DCT: variants seen among roughly 807,000 people sequenced by gnomAD.
DCT encodes L-dopachrome tautomerase.
A neutral mutation model predicts 53.0 loss-of-function variants in DCT; 47 were observed. That is an observed-to-expected ratio of 0.89 (90% CI 0.70 to 1.13). The LOEUF is 1.13. Among genes scored for constraint, DCT ranks in the 50% most tolerant of loss-of-function variants. The probability of loss-of-function intolerance (pLI) is 0.00; values close to 1 mark genes in which losing one functional copy is unlikely to be tolerated. For synonymous variants in DCT, 244 were observed against 237.0 expected (o/e 1.03, Z -0.27); for missense variants, 669 against 637.4 (o/e 1.05, Z -0.53).
At chr13:94,490,916 T>C in the DCT span, among the ~76,000 whole-genome samples, 1 of 152,116 alleles carries the variant, frequency 6.6e-6, no homozygotes, top group Admixed American at 6.6e-5. Flanking sequence ...TTCAGGAAAG[T>C]TACCTATTTA....
At chr13:94,537,084 A>G in the DCT span, among the ~76,000 whole-genome samples, 1 of 152,252 alleles carries the variant, frequency 6.6e-6, no homozygotes, top group Admixed American at 6.5e-5. Context: ...GTTCCTTTAT[A>G]GCAATGCAAA....
the DCT span, among the ~76,000 whole-genome samples, chr13:94,527,666 C>T: frequency 6.6e-6 from 1 of 152,260 alleles, no homozygotes; most frequent in East Asian, 1.9e-4. Flanking sequence ...TAGATAAAAG[C>T]ACAAAGATGG....
chr13:94,487,713 G>A, the DCT span, among the ~76,000 whole-genome samples: 10 of 152,054 alleles, frequency 6.6e-5, no homozygotes, highest in Admixed American at 1.3e-4. Flanking sequence ...AATCCTCCCC[G>A]TTTTTTAGCC....
In DCT at chr13:94,439,979, A is replaced by T; in HGVS notation, c.1479T>A (p.Leu493=). 6.2e-7 allele frequency: 1 copy of T among 1,614,000 alleles called. No individual in the cohort carries two copies. The highest frequency in any genetic ancestry group is 8.5e-7 in the Non-Finnish European group (1 of 1,179,904). ...LVGLFVLLAF[L]QYRRLRKGYT... ...ATCCTTTTCGAAGTCTTCTATATTGAAGAAAAGCCAACAGCACAAAAAGAC... is the reference window on the plus strand; with the variant it reads ...ATCCTTTTCGAAGTCTTCTATATTGTAGAAAAGCCAACAGCACAAAAAGAC... Residue 493 remains leucine, a synonymous_variant, in exon 8 of 8, where the codon CTT becomes CTA. Transcript: ENST00000377028.
the DCT span, among the ~76,000 whole-genome samples, chr13:94,517,878 A>G: frequency 6.6e-6 from 1 of 152,108 alleles, no homozygotes; most frequent in African/African-American, 2.4e-5. Context: ...AAGTTGGAAG[A>G]GGCAAGGAAT....
the DCT span, among the ~76,000 whole-genome samples, chr13:94,487,383 C>T: frequency 1.3e-5 from 2 of 152,166 alleles, no homozygotes; most frequent in East Asian, 1.9e-4. Context: ...TTTTGCATGC[C>T]GGCACCTAGC....
the DCT span, among the ~76,000 whole-genome samples, chr13:94,504,692 G>A: frequency 6.6e-6 from 1 of 152,158 alleles, no homozygotes; most frequent in Non-Finnish European, 1.5e-5. Flanking sequence ...GATCTGGGGG[G>A]ATACTTGCTA....
intron 6 of DCT, among the ~76,000 whole-genome samples, chr13:94,457,747 G>A (rs1190894684): frequency 6.6e-6 from 1 of 152,194 alleles, no homozygotes; most frequent in Non-Finnish European, 1.5e-5. Flanking sequence ...AAGACACACA[G>A]ACAGGGTTAA....
In DCT at chr13:94,438,784, T is replaced by C; in HGVS notation, c.*1114A>G. On this transcript the variant is annotated 3_prime_UTR_variant, in exon 8 of 8. Transcript: ENST00000377028. ...ATAACCACTTAATTCTGAATTGTCA[T>C]GTTTTGTACAGATGGTTTGCTTTCA... 1 of 373,416 alleles carries C rather than the reference T, an allele frequency of 2.7e-6. No homozygotes were observed. The highest frequency in any genetic ancestry group is 5.3e-6 in the Non-Finnish European group (1 of 187,684). 23.1% of individuals were successfully genotyped at this position (373,416 alleles called of 1,614,324 possible). A position where few individuals can be genotyped will look rare whatever the true frequency, so the allele number is the denominator to read the frequency against.
the DCT span, among the ~76,000 whole-genome samples, chr13:94,488,506 GGAGTT>G: frequency 6.6e-6 from 1 of 152,000 alleles, no homozygotes; most frequent in Non-Finnish European, 1.5e-5. Flanking sequence ...CTTGAGCTCA[GGAGTT>G]TGAGACCAGC....
chr13:94,534,361 C>A, the DCT span, among the ~76,000 whole-genome samples: 1 of 152,186 alleles, frequency 6.6e-6, no homozygotes, highest in Non-Finnish European at 1.5e-5. Flanking sequence ...GGGGGCTGAG[C>A]CCTCATTACA....
chr13:94,499,878 T>C, the DCT span, among the ~76,000 whole-genome samples: 4 of 152,188 alleles, frequency 2.6e-5, no homozygotes, highest in East Asian at 1.9e-4. Flanking sequence ...CTCAGCTTTA[T>C]TGAGGTTATA....
At chr13:94,470,706 C>T (rs1884588570) in intron 1 of DCT, among the ~76,000 whole-genome samples, 1 of 152,156 alleles carries the variant, frequency 6.6e-6, no homozygotes. Context: ...CCCTAAATTC[C>T]TCTTTACCTG....
chr13:94,524,761 T>C, the DCT span, among the ~76,000 whole-genome samples: 4 of 152,122 alleles, frequency 2.6e-5, no homozygotes. Flanking sequence ...ATTTCAGATG[T>C]TGAAGTCCTA....
At chr13:94,447,614 A>G (rs557572528) in intron 6 of DCT, among the ~76,000 whole-genome samples, 1 of 152,232 alleles carries the variant, frequency 6.6e-6, no homozygotes, top group Non-Finnish European at 1.5e-5. Flanking sequence ...TTGAAGGCAT[A>G]TTCTCCAATC....
intron 6 of DCT, among the ~76,000 whole-genome samples, chr13:94,446,417 A>C (rs1882739109): frequency 6.6e-6 from 1 of 152,208 alleles, no homozygotes; most frequent in Non-Finnish European, 1.5e-5. Context: ...CACACTGTAC[A>C]TATAGCCAAT....
At chr13:94,477,407 A>C (rs1042318722) in intron 1 of DCT, among the ~76,000 whole-genome samples, 3 of 151,928 alleles carry the variant, frequency 2.0e-5, no homozygotes, top group Non-Finnish European at 4.4e-5. Flanking sequence ...TAAAGCCAGA[A>C]CTCTTAATGT....
chr13:94,487,565 C>G, the DCT span, among the ~76,000 whole-genome samples: 1 of 152,110 alleles, frequency 6.6e-6, no homozygotes, highest in Non-Finnish European at 1.5e-5. Context: ...AGAAATGGCT[C>G]AAAGCCTGGG....
chr13:94,509,265 C>A, the DCT span, among the ~76,000 whole-genome samples: 3 of 152,160 alleles, frequency 2.0e-5, no homozygotes, highest in African/African-American at 7.2e-5. Flanking sequence ...GGAGGCCATG[C>A]AGTATGGTGG....
Sources: gnomAD v4.1 joint callset for allele counts (sites outside exome capture counted in the v4.1 genomes callset) on GRCh38, gnomAD v4.1.1 for gene constraint, MANE v1.5 for transcripts, NCBI Gene and HGNC (gene_info 2026-07-23, HGNC 2026-07-21) for gene names.